The following ADCY9 variants were observed in gnomAD, a reference collection of about 807,000 sequenced individuals.
ADCY9 encodes adenylate cyclase type 9.
A neutral mutation model predicts 101.5 loss-of-function variants in ADCY9; 50 were observed. That is an observed-to-expected ratio of 0.49 (90% CI 0.39 to 0.62). ADCY9 has a LOEUF of 0.62. ADCY9 is among the 20% of genes least tolerant of loss of function. The pLI, the probability that ADCY9 is intolerant of heterozygous loss-of-function variation, is 0.00. For missense variants in ADCY9, 1,662 were observed against 1,800.4 expected (o/e 0.92, Z 1.39); for synonymous variants, 905 against 769.3 (o/e 1.18, Z -2.92).
intron 2 of ADCY9, among the ~76,000 whole-genome samples, chr16:4,112,491 G>A (rs1247079835): frequency 6.6e-6 from 1 of 152,098 alleles, no homozygotes; most frequent in African/African-American, 2.4e-5. Context: ...TGGACACATA[G>A]GATGATCTCA....
At chr16:4,087,543 T>TAAAAAAA (rs55706713) in intron 2 of ADCY9, among the ~76,000 whole-genome samples, 1 of 118,192 alleles carries the variant, frequency 8.5e-6, no homozygotes, top group Non-Finnish European at 1.8e-5. Context: ...CTCAAAAAGA[T>TAAAAAAA]AAAAAAAAAA....
At chr16:4,016,423 G>A (rs569219421) in intron 2 of ADCY9, among the ~76,000 whole-genome samples, 5 of 152,240 alleles carry the variant, frequency 3.3e-5, no homozygotes, top group South Asian at 4.1e-4. Flanking sequence ...TGCCACAGAC[G>A]GGAGGGAGGG....
chr16:4,057,781 A>G (rs1277748532), intron 2 of ADCY9, among the ~76,000 whole-genome samples: 2 of 152,116 alleles, frequency 1.3e-5, no homozygotes, highest in Non-Finnish European at 2.9e-5. Flanking sequence ...ATGTGTGAGC[A>G]CTGTGGCCAG....
chr16:4,087,564 G>C (rs1188342666), intron 2 of ADCY9, among the ~76,000 whole-genome samples: 7 of 117,536 alleles, frequency 6.0e-5, no homozygotes, highest in Non-Finnish European at 1.3e-4. Context: ...AAAAAAAAAA[G>C]AAGAACAACA....
At chr16:4,093,623 G>T (rs957581147) in intron 2 of ADCY9, among the ~76,000 whole-genome samples, 2 of 151,912 alleles carry the variant, frequency 1.3e-5, no homozygotes, top group Non-Finnish European at 2.9e-5. Context: ...CAGTCGTGTT[G>T]GCATGCGCCT....
rs1209573798 is a variant in ADCY9, at chr16:3,965,192, G to A, written c.*583C>T. On this transcript the variant is annotated 3_prime_UTR_variant, in exon 11 of 11. Coordinates refer to ENST00000294016, the MANE Select transcript of ADCY9 (RefSeq NM_001116.4). ...TGCGGGTGGGCAATGGGGGGTGGCG[G>A]AGCTGTCGTGACATGCCCCCTTCGC... 1 of 156,586 alleles carries A rather than the reference G, an allele frequency of 6.4e-6. No homozygotes were observed. Among genetic ancestry groups the A allele is most frequent in the African/African-American group, 2.4e-5 (1 of 41,474 alleles). The allele number at this position is 156,586 out of a possible 1,614,324, so 9.7% of individuals were successfully genotyped here.
In ADCY9 at chr16:4,070,825, A is replaced by C. The variant is rs114260511; in HGVS notation, c.1693+42925T>G. Reference sequence around the variant, plus strand: ...GCTGGGTGTGATGATGCATGCATGTAGTCCTAGCTACTCAGGAGTCTGAGA... The same window carrying C: ...GCTGGGTGTGATGATGCATGCATGTCGTCCTAGCTACTCAGGAGTCTGAGA... On this transcript the variant is annotated intron_variant, in intron 2 of 10. Coordinates refer to ENST00000294016, the MANE Select transcript of ADCY9 (RefSeq NM_001116.4). 1.8e-3 allele frequency among the ~76,000 whole-genome samples: 275 copies of C among 152,244 alleles called. No homozygotes were observed. The Middle Eastern group carries it at 0.02, about 11-fold the overall frequency.
intron 2 of ADCY9, among the ~76,000 whole-genome samples, chr16:4,075,231 C>T (rs545339807): frequency 1.3e-5 from 2 of 151,704 alleles, no homozygotes; most frequent in Non-Finnish European, 2.9e-5. Flanking sequence ...CTCCGCCTCC[C>T]GGGTTCAAGC....
chr16:4,034,082 C>A (rs1019441575), intron 2 of ADCY9, among the ~76,000 whole-genome samples: 1 of 152,096 alleles, frequency 6.6e-6, no homozygotes, highest in East Asian at 1.9e-4. Context: ...GGCTGCCGTG[C>A]GCCAACAAGG....
chr16:4,102,665 T>C (rs1007164327), intron 2 of ADCY9, among the ~76,000 whole-genome samples: 14 of 152,150 alleles, frequency 9.2e-5, no homozygotes, highest in Non-Finnish European at 1.8e-4. Context: ...CCTCAGGTGA[T>C]CCGCCCGCCT....
At chr16:4,045,520 A>G (rs773474624) in intron 2 of ADCY9, among the ~76,000 whole-genome samples, 12 of 143,788 alleles carry the variant, frequency 8.3e-5, no homozygotes, top group Non-Finnish European at 1.8e-4. Flanking sequence ...GCTTGAATCC[A>G]GGAGGCTGAG....
In ADCY9 at chr16:3,965,230, C is replaced by T. The variant is rs138031058; in HGVS notation, c.*545G>A. The T allele has an allele frequency of 4.5e-3, 714 of 157,408 alleles. 1 individual carries two copies. The highest frequency in any genetic ancestry group is 7.7e-3 in the Non-Finnish European group (547 of 71,118). The allele number at this position is 157,408 out of a possible 1,614,324, so 9.8% of individuals were successfully genotyped here. On this transcript the variant is annotated 3_prime_UTR_variant, in exon 11 of 11. Coordinates refer to ENST00000294016, the MANE Select transcript of ADCY9 (RefSeq NM_001116.4). Reference sequence around the variant, plus strand: ...ATGCCCCCTTCGCACCCCCTCTTGGCGGATTACTGGCACTTTATATCAGAT... The same window carrying T: ...ATGCCCCCTTCGCACCCCCTCTTGGTGGATTACTGGCACTTTATATCAGAT...
chr16:4,081,354 T>C (rs966753398), intron 2 of ADCY9, among the ~76,000 whole-genome samples: 18 of 152,240 alleles, frequency 1.2e-4, no homozygotes, highest in African/African-American at 3.6e-4. Context: ...AGTGGCTCCA[T>C]GGCTCCCTGA....
chr16:4,000,217 C>A (rs1034412207), intron 3 of ADCY9, among the ~76,000 whole-genome samples: 2 of 152,242 alleles, frequency 1.3e-5, no homozygotes, highest in Admixed American at 1.3e-4. Flanking sequence ...GCTTAACCCT[C>A]GTAAGCAACC....
At chr16:3,993,253 G>GTC (rs2056260262) in intron 4 of ADCY9, 153 bp downstream of exon 4, 10 of 1,362,436 alleles carry the variant, frequency 7.3e-6, no homozygotes, top group African/African-American at 1.5e-5. Flanking sequence ...CTCCCTGCCG[G>GTC]TCTCTTCAAC....
intron 2 of ADCY9, among the ~76,000 whole-genome samples, chr16:4,041,931 T>TG (rs1167413205): frequency 3.4e-5 from 5 of 145,316 alleles, no homozygotes; most frequent in African/African-American, 1.3e-4. Context: ...TTTTTTTTTT[T>TG]TTTTTTTTTT....
intron 2 of ADCY9, among the ~76,000 whole-genome samples, chr16:4,100,517 C>T (rs528861761): frequency 4.3e-4 from 65 of 151,832 alleles, no homozygotes; most frequent in African/African-American, 1.5e-3. Context: ...TTTTAGTAGA[C>T]ACGGGGTTTT....
intron 2 of ADCY9, among the ~76,000 whole-genome samples, chr16:4,112,769 C>T (rs2057121843): frequency 6.6e-6 from 1 of 152,026 alleles, no homozygotes; most frequent in Admixed American, 6.6e-5. Flanking sequence ...CAGATGTTCC[C>T]CTCAATCCTG....
At chr16:3,997,617 C>T (rs1025246530) in intron 3 of ADCY9, among the ~76,000 whole-genome samples, 5 of 152,220 alleles carry the variant, frequency 3.3e-5, no homozygotes, top group Admixed American at 2.0e-4. Flanking sequence ...CACCCACGCT[C>T]GGGCCTCCTG....
Sources: allele counts gnomAD v4.1 joint callset (sites outside exome capture counted in the v4.1 genomes callset), GRCh38; gene constraint gnomAD v4.1.1; transcripts MANE v1.5; gene names NCBI Gene and HGNC (gene_info 2026-07-23, HGNC 2026-07-21).